The following GALNT2 variants were observed in gnomAD, a reference collection of about 807,000 sequenced individuals.
GALNT2 encodes the protein polypeptide N-acetylgalactosaminyltransferase 2.
A neutral mutation model predicts 81.4 loss-of-function variants in GALNT2; 31 were observed. The observed-to-expected ratio is 0.38, with a 90% CI of 0.29 to 0.51. GALNT2 has a LOEUF of 0.51. Among genes scored for constraint, GALNT2 ranks in the 20% least tolerant of loss-of-function variants. The probability of loss-of-function intolerance (pLI) is 0.87; values close to 1 mark genes in which losing one functional copy is unlikely to be tolerated. For missense variants in GALNT2, 629 were observed against 765.7 expected (o/e 0.82, Z 2.11); for synonymous variants, 303 against 287.4 (o/e 1.05, Z -0.55).
At chr1:230,135,474 G>A (rs912196716) in intron 1 of GALNT2, among the ~76,000 whole-genome samples, 5 of 152,048 alleles carry the variant, frequency 3.3e-5, no homozygotes, top group African/African-American at 1.2e-4. Context: ...CTTTTCTTTC[G>A]GTGAATTGTC....
chr1:230,110,841 G>A (rs916075758), intron 1 of GALNT2, among the ~76,000 whole-genome samples: 1 of 151,904 alleles, frequency 6.6e-6, no homozygotes, highest in Non-Finnish European at 1.5e-5. Context: ...GGAAAACTGG[G>A]GAGGCGTGGA....
chr1:230,085,664 T>C (rs1659877029), intron 1 of GALNT2, among the ~76,000 whole-genome samples: 1 of 152,336 alleles, frequency 6.6e-6, no homozygotes, highest in Non-Finnish European at 1.5e-5. Context: ...TAGGCGGTAA[T>C]GTTTGTGATT....
chr1:230,154,883 G>C (rs1662198924), intron 1 of GALNT2, among the ~76,000 whole-genome samples: 1 of 152,192 alleles, frequency 6.6e-6, no homozygotes, highest in South Asian at 2.1e-4. Context: ...GGTAGTCTCT[G>C]TCAGGTTATT....
chr1:230,239,512 G>A (rs999148686), intron 6 of GALNT2, among the ~76,000 whole-genome samples: 8 of 152,216 alleles, frequency 5.3e-5, no homozygotes, highest in Admixed American at 1.3e-4. Context: ...AGGGCAGGAA[G>A]CATCCAGCGT....
intron 1 of GALNT2, among the ~76,000 whole-genome samples, chr1:230,092,666 A>C (rs971222416): frequency 1.3e-5 from 2 of 152,134 alleles, no homozygotes; most frequent in African/African-American, 2.4e-5. Context: ...TCTAAACCTT[A>C]TCTCTAAATT....
Position 230,279,403 on chromosome 1 carries a change from T to G in GALNT2, c.1661T>G (p.Val554Gly). The change falls in exon 16 of 16, where the codon GTG becomes GGG. Residue 554 changes from valine (V) to glycine (G), a missense_variant. By Grantham distance (109) the Val-to-Gly change is moderately radical. This residue lies in a region of GALNT2 where 207 missense variants were observed against 225.5 expected (regional missense o/e 0.92). Coordinates refer to ENST00000366672, the MANE Select transcript of GALNT2 (RefSeq NM_004481.5). This position sits in a 1 kb window ranked among gnomAD's most constrained non-coding sequence, Gnocchi z 4.6. ...TAKSGGLSVE[V>G]CGPALSQQWK... ...AAGAGCGGGGGCCTAAGCGTGGAGG[T>G]GTGTGGCCCGGCCCTTTCGCAGCAG... 6.2e-7 allele frequency: 1 copy of G among 1,614,014 alleles called. No individual in the cohort carries two copies. Among genetic ancestry groups the G allele is most frequent in the Non-Finnish European group, 8.5e-7 (1 of 1,180,014 alleles).
In GALNT2 at chr1:230,258,251, C is replaced by T. The variant is rs184296236; in HGVS notation, c.1136+2907C>T. ...TTTTGGTTTTTTTTCTTTTTTGAGA[C>T]GGAGTTTCGATCTCGTTGCCCACAC... On this transcript the variant is annotated intron_variant, in intron 11 of 15. Transcript: ENST00000366672. Among the ~76,000 whole-genome samples the T allele has an allele frequency of 2.8e-3, 425 of 149,798 alleles. 3 individuals are homozygous for T. The highest frequency in any genetic ancestry group is 4.6e-3 in the Non-Finnish European group (314 of 67,528).
At chr1:230,208,314 G>T (rs764127612) in intron 3 of GALNT2, among the ~76,000 whole-genome samples, 1 of 152,162 alleles carries the variant, frequency 6.6e-6, no homozygotes, top group Non-Finnish European at 1.5e-5. Context: ...GGACTGGAGG[G>T]GGGTATGGCT....
intron 1 of GALNT2, among the ~76,000 whole-genome samples, chr1:230,111,329 C>T (rs1298144796): frequency 1.3e-5 from 2 of 152,284 alleles, no homozygotes; most frequent in Non-Finnish European, 2.9e-5. Context: ...TACATGTTCA[C>T]ACACTGCCCA....
rs201777767 is a variant in GALNT2, at chr1:230,185,299, T to C, written c.220+6988T>C. Reference sequence around the variant, plus strand: ...GTGTGTGTGTGTGTGTGTGTGTGTGTGTGCGCGCGTGTGTGTGTGTGTTTA... The same window carrying C: ...GTGTGTGTGTGTGTGTGTGTGTGTGCGTGCGCGCGTGTGTGTGTGTGTTTA... On this transcript the variant is annotated intron_variant, in intron 2 of 15. Coordinates refer to ENST00000366672, the MANE Select transcript of GALNT2 (RefSeq NM_004481.5). 2.8e-3 allele frequency among the ~76,000 whole-genome samples: 325 copies of C among 116,456 alleles called. 3 individuals carry two copies. Among genetic ancestry groups the C allele is most frequent in the African/African-American group, 9.1e-3 (281 of 31,020 alleles). 76.4% of individuals were successfully genotyped at this position (116,456 alleles called of 152,430 possible).
chr1:230,077,965 G>A (rs1329780945), intron 1 of GALNT2, among the ~76,000 whole-genome samples: 1 of 152,168 alleles, frequency 6.6e-6, no homozygotes, highest in Non-Finnish European at 1.5e-5. Flanking sequence ...AGCCATTGAC[G>A]TATATGTCCT....
intron 9 of GALNT2, 112 bp downstream of exon 9, chr1:230,249,383 C>A: frequency 1.2e-6 from 1 of 805,058 alleles, no homozygotes; most frequent in Non-Finnish European, 2.0e-6. Flanking sequence ...ACCTTCTGCC[C>A]TCCGGTTTCC....
At chr1:230,255,534 T>C (rs1665686159) in intron 11 of GALNT2, 190 bp downstream of exon 11, 4 of 654,400 alleles carry the variant, frequency 6.1e-6, no homozygotes, top group Non-Finnish European at 1.0e-5. Context: ...TTCCAGGGCA[T>C]GATGCTGAGT....
intron 1 of GALNT2, among the ~76,000 whole-genome samples, chr1:230,114,347 T>C (rs1340481469): frequency 6.6e-6 from 1 of 152,258 alleles, no homozygotes; most frequent in East Asian, 1.9e-4. Context: ...TGGTGAAGAC[T>C]GAGCCCTGGA....
chr1:230,129,893 G>C (rs1364348983), intron 1 of GALNT2, among the ~76,000 whole-genome samples: 1 of 152,228 alleles, frequency 6.6e-6, no homozygotes, highest in Non-Finnish European at 1.5e-5. Context: ...GTTGTCCCCA[G>C]GCCAAGCTCC....
At chr1:230,184,076 C>T (rs1222008352) in intron 2 of GALNT2, among the ~76,000 whole-genome samples, 2 of 151,378 alleles carry the variant, frequency 1.3e-5, no homozygotes, top group Admixed American at 6.6e-5. Context: ...ATGTTATTTT[C>T]TTATGTTAAA....
At chr1:230,100,310 CTTTTTTTTTTTTTTTTT>C (rs573478928) in intron 1 of GALNT2, among the ~76,000 whole-genome samples, 3 of 85,782 alleles carry the variant, frequency 3.5e-5, no homozygotes, top group Admixed American at 1.5e-4. Context: ...CTTTTTATTC[CTTTTTTTTTTTTTTTTT>C]TTTTTTTTTG....
chr1:230,163,157 C>T (rs186366064), intron 1 of GALNT2, among the ~76,000 whole-genome samples: 5,610 of 118,066 alleles, frequency 0.048, 314 homozygotes, highest in African/African-American at 0.15. Flanking sequence ...TTTGAAACTC[C>T]GCATTAAAAC....
At chr1:230,094,732 A>G (rs574972025) in intron 1 of GALNT2, among the ~76,000 whole-genome samples, 1 of 152,324 alleles carries the variant, frequency 6.6e-6, no homozygotes, top group African/African-American at 2.4e-5. Context: ...CTATTACAAG[A>G]GAAACAGAGC....
Sources: gnomAD v4.1 joint callset for allele counts (sites outside exome capture counted in the v4.1 genomes callset) on GRCh38, gnomAD v4.1.1 for gene constraint, gnomAD v4.1.1 regional missense constraint, Gnocchi (gnomAD v3.1) non-coding constraint, MANE v1.5 for transcripts, NCBI Gene and HGNC (gene_info 2026-07-23, HGNC 2026-07-21) for gene names.